The following DYNC2I1 variants were observed in gnomAD, a reference collection of about 807,000 sequenced individuals.
The protein encoded by DYNC2I1 is cytoplasmic dynein 2 intermediate chain 1.
DYNC2I1 carries 89 observed loss-of-function variants against 133.4 expected under a neutral mutation model. The ratio of observed to expected loss-of-function variants is 0.67; its 90% CI spans 0.56 to 0.80. The LOEUF (loss-of-function observed/expected upper bound fraction) is 0.80. Ranked by LOEUF, DYNC2I1 falls within the 30% of genes least tolerant of loss-of-function variation. DYNC2I1 has a pLI of 0.00. For synonymous variants in DYNC2I1, 504 were observed against 484.3 expected (o/e 1.04, Z -0.54); for missense variants, 1,291 against 1,314.5 (o/e 0.98, Z 0.28).
Position 158,945,669 on chromosome 7 carries a change from G to T in DYNC2I1, c.3091G>T (p.Asp1031Tyr), listed in dbSNP as rs1488609745. The T allele has an allele frequency of 6.2e-7, 1 of 1,612,710 alleles. No individual in the cohort carries two copies. Among genetic ancestry groups the T allele is most frequent in the Non-Finnish European group, 8.5e-7 (1 of 1,179,422 alleles). The stretch of plus-strand genomic sequence containing the variant: ...GCTGGCCAGGGCGTCTGGCTCCATC[G>T]ACATCCAGCACCTGAAGAGGCGGTG... ...LVLARASGSI[D>Y]IQHLKRRWAA... Residue 1031 changes from aspartate to tyrosine, a missense_variant, in exon 25 of 25, where the codon GAC becomes TAC. Asp to Tyr is a radical substitution (Grantham distance 160, BLOSUM62 -3). Coordinates refer to ENST00000407559, the MANE Select transcript of DYNC2I1 (RefSeq NM_018051.5). The surrounding 1 kb of genome is among the most constrained non-coding windows in gnomAD (Gnocchi z 4.1).
chr7:158,911,775 C>A, intron 12 of DYNC2I1, 96 bp downstream of exon 12: 1 of 1,408,962 alleles, frequency 7.1e-7, no homozygotes, highest in Non-Finnish European at 9.5e-7. Context: ...AATATTAGAA[C>A]TTGGGGATGG....
At chr7:158,900,070 A>G (rs1008078107) in intron 8 of DYNC2I1, among the ~76,000 whole-genome samples, 1 of 148,598 alleles carries the variant, frequency 6.7e-6, no homozygotes, top group South Asian at 2.1e-4. Context: ...ACATTTCTCT[A>G]TGCTGTCTTC....
chr7:158,870,199 G>A (rs60345861), intron 2 of DYNC2I1, among the ~76,000 whole-genome samples: 6,552 of 152,266 alleles, frequency 0.043, 216 homozygotes, highest in African/African-American at 0.08. Context: ...GGGGAGAGGG[G>A]CTTTGGGATT....
At chr7:158,942,751 C>T (rs903665660) in intron 24 of DYNC2I1, among the ~76,000 whole-genome samples, 6 of 152,212 alleles carry the variant, frequency 3.9e-5, no homozygotes, top group African/African-American at 7.2e-5. Context: ...GTCCACATGA[C>T]GCCACACTAA....
the DYNC2I1 span, among the ~76,000 whole-genome samples, chr7:158,848,251 C>T: frequency 1.3e-5 from 2 of 152,054 alleles, no homozygotes; most frequent in African/African-American, 2.4e-5. Flanking sequence ...GTGGAGCACC[C>T]CAGATGAAGC....
chr7:158,867,324 G>A (rs1842498196), intron 1 of DYNC2I1, among the ~76,000 whole-genome samples: 1 of 152,124 alleles, frequency 6.6e-6, no homozygotes, highest in South Asian at 2.1e-4. Context: ...ACCCTGTGTT[G>A]TTGGAGTGTG....
chr7:158,869,994 A>G (rs1429806051), intron 2 of DYNC2I1, 86 bp downstream of exon 2: 3 of 1,202,278 alleles, frequency 2.5e-6, no homozygotes, highest in Non-Finnish European at 3.6e-6. Context: ...ACAACACTGT[A>G]TAACTTTGGT....
chr7:158,917,951 A>G (rs10275341), intron 14 of DYNC2I1, among the ~76,000 whole-genome samples: 27,375 of 152,032 alleles, frequency 0.18, 2,749 homozygotes, highest in African/African-American at 0.25. Flanking sequence ...GTCAGTTCAC[A>G]TGAAACATTC....
chr7:158,920,855 C>T (rs1169733018), intron 15 of DYNC2I1, among the ~76,000 whole-genome samples: 3 of 152,166 alleles, frequency 2.0e-5, no homozygotes, highest in Non-Finnish European at 2.9e-5. Context: ...CTTCAGCCTT[C>T]CTAGGGTCCA....
rs1847488042 is a variant in DYNC2I1, at chr7:158,911,622, A to C, written c.1533A>C (p.Pro511=). 1.2e-6 allele frequency: 2 copies of C among 1,613,534 alleles called. No individual in the cohort carries two copies. The highest frequency in any genetic ancestry group is 2.7e-5 in the African/African-American group (2 of 74,898). Residue 511 remains proline, a synonymous_variant, in exon 12 of 25, where the codon CCA becomes CCC. Coordinates refer to ENST00000407559, the MANE Select transcript of DYNC2I1 (RefSeq NM_018051.5). The part of the protein sequence containing the change: ...FSFTFSLLDL[P]PVNEYDMYIR... Reference sequence around the variant, plus strand: ...TTACTTTCTCTCTCTTGGATCTACCACCAGTAAATGAATATGACATGTATA... The same window carrying C: ...TTACTTTCTCTCTCTTGGATCTACCCCCAGTAAATGAATATGACATGTATA...
At chr7:158,843,261 G>GTT in the DYNC2I1 span, among the ~76,000 whole-genome samples, 1 of 150,506 alleles carries the variant, frequency 6.6e-6, no homozygotes, top group African/African-American at 2.4e-5. Flanking sequence ...TGCCCGGCCA[G>GTT]TTTTTTTTTG....
downstream of DYNC2I1, among the ~76,000 whole-genome samples, chr7:158,957,615 G>T (rs146763700): frequency 4.2e-3 from 646 of 152,246 alleles, 6 homozygotes; most frequent in African/African-American, 0.015. Context: ...TAATCTCAGC[G>T]ATTCCAGCTG....
At chr7:158,907,501 A>G (rs1472509200) in intron 11 of DYNC2I1, among the ~76,000 whole-genome samples, 2 of 152,020 alleles carry the variant, frequency 1.3e-5, no homozygotes, top group Admixed American at 6.6e-5. Flanking sequence ...GTCAGGGAGG[A>G]GCCACTAAGT....
chr7:158,841,748 G>A, the DYNC2I1 span, among the ~76,000 whole-genome samples: 2 of 152,244 alleles, frequency 1.3e-5, no homozygotes, highest in Non-Finnish European at 1.5e-5. Context: ...AGAAGACAGC[G>A]TCGCAAAGCT....
intron 23 of DYNC2I1, among the ~76,000 whole-genome samples, chr7:158,938,110 T>C (rs1850951396): frequency 6.6e-6 from 1 of 152,120 alleles, no homozygotes; most frequent in Non-Finnish European, 1.5e-5. Flanking sequence ...TATCCAGGTA[T>C]AGGAAGGTCA....
chr7:158,876,807 G>T, intron 4 of DYNC2I1, 116 bp downstream of exon 4: 1 of 1,346,358 alleles, frequency 7.4e-7, no homozygotes. Context: ...TTTCAGTCCT[G>T]GAAAAGGCCT....
At chr7:158,928,148 AGC>A (rs1849809180) in intron 20 of DYNC2I1, among the ~76,000 whole-genome samples, 1 of 152,204 alleles carries the variant, frequency 6.6e-6, no homozygotes, top group African/African-American at 2.4e-5. Context: ...CAAAGCTAAT[AGC>A]ACCTCTCACA....
At chr7:158,840,261 C>A in the DYNC2I1 span, among the ~76,000 whole-genome samples, 74 of 150,894 alleles carry the variant, frequency 4.9e-4, no homozygotes, top group African/African-American at 1.8e-3. Flanking sequence ...AAAAAAAAAT[C>A]AGAAATTAAG....
upstream of DYNC2I1, among the ~76,000 whole-genome samples, chr7:158,853,087 G>A (rs1487995204): frequency 6.6e-6 from 1 of 152,212 alleles, no homozygotes; most frequent in African/African-American, 2.4e-5. Context: ...GTGTCCCGCT[G>A]AGAGACAGGA....
Sources: gnomAD v4.1 joint callset for allele counts (sites outside exome capture counted in the v4.1 genomes callset) on GRCh38, gnomAD v4.1.1 for gene constraint, Gnocchi (gnomAD v3.1) non-coding constraint, MANE v1.5 for transcripts, NCBI Gene and HGNC (gene_info 2026-07-23, HGNC 2026-07-21) for gene names.